Variants in KCNQ2 observed in about 807,000 individuals in gnomAD.
KCNQ2 encodes the protein potassium voltage-gated channel subfamily Q member 2.
In KCNQ2, 14 loss-of-function variants were observed where a neutral mutation model predicts 84.8. That is an observed-to-expected ratio of 0.17 (90% CI 0.11 to 0.26). KCNQ2 has a LOEUF of 0.26. Among genes scored for constraint, KCNQ2 ranks in the 10% least tolerant of loss-of-function variants. The probability of loss-of-function intolerance (pLI) is 1.00; values close to 1 mark genes in which losing one functional copy is unlikely to be tolerated. For synonymous variants in KCNQ2, 599 were observed against 554.1 expected (o/e 1.08, Z -1.14); for missense variants, 788 against 1,254.0 (o/e 0.63, Z 5.61).
Position 63,400,336 on chromosome 20 carries a change from C to A in KCNQ2, c.*6308G>T, listed in dbSNP as rs373401075. 294 of 322,708 alleles carry A rather than the reference C, an allele frequency of 9.1e-4. 1 individual carries two copies. The highest frequency in any genetic ancestry group is 5.9e-3 in the African/African-American group (275 of 46,962). The allele number at this position is 322,708 out of a possible 1,614,324, so 20.0% of individuals were successfully genotyped here. On this transcript the variant is annotated 3_prime_UTR_variant, in exon 17 of 17. Coordinates refer to ENST00000359125, the MANE Select transcript of KCNQ2 (RefSeq NM_172107.4). The surrounding 1 kb of genome is among the most constrained non-coding windows in gnomAD (Gnocchi z 8.7). ...GCCGCAGGACCCCACACCCGAAGTCCCCCGCAAACCCGCACTGGCGCATTC... is the reference window on the plus strand; with the variant it reads ...GCCGCAGGACCCCACACCCGAAGTCACCCGCAAACCCGCACTGGCGCATTC...
At chr20:63,437,752 G>T (rs2081047396) in intron 7 of KCNQ2, among the ~76,000 whole-genome samples, 1 of 152,260 alleles carries the variant, frequency 6.6e-6, no homozygotes, top group Non-Finnish European at 1.5e-5. Flanking sequence ...GTGGATGGAA[G>T]ACTTTGGGGA....
At chr20:63,412,024 C>G in intron 15 of KCNQ2, 1 of 597,916 alleles carries the variant, frequency 1.7e-6, no homozygotes, top group South Asian at 2.0e-5. Context: ...AGGGTGTGGA[C>G]GCCGCCTCGC....
rs1276959353 is a variant in KCNQ2, at chr20:63,472,422, C to T, written c.42G>A (p.Pro14=). The T allele has an allele frequency of 3.3e-6, 5 of 1,538,186 alleles. No individual in the cohort carries two copies. Among genetic ancestry groups the T allele is most frequent in the African/African-American group, 1.4e-5 (1 of 70,890 alleles). Residue 14 remains proline (P), a synonymous_variant, in exon 1 of 17, where the codon CCG becomes CCA. Transcript: ENST00000359125. The part of the protein sequence containing the change: ...KSRNGGVYPG[P]SGEKKLKVGF... ...CCACCTTCAGCTTCTTCTCCCCGCT[C>T]GGGCCGGGGTATACGCCGCCGTTGC...
intron 12 of KCNQ2, among the ~76,000 whole-genome samples, chr20:63,417,815 C>T (rs1402580303): frequency 6.6e-6 from 1 of 152,230 alleles, no homozygotes; most frequent in Non-Finnish European, 1.5e-5. Context: ...GGAGCCACAG[C>T]CCCGCCAGCG....
At chr20:63,423,909 GAT>G in intron 11 of KCNQ2, 2 of 521,532 alleles carry the variant, frequency 3.8e-6, no homozygotes, top group Admixed American at 3.5e-5. Flanking sequence ...CGGGGTGGGG[GAT>G]CCCCCACCCC....
Position 63,446,625 on chromosome 20 carries a change from A to G in KCNQ2, c.387+122T>C. 1.2e-6 allele frequency: 1 copy of G among 818,204 alleles called. No individual in the cohort carries two copies. The highest frequency in any genetic ancestry group is 2.1e-6 in the Non-Finnish European group (1 of 481,690). The allele number at this position is 818,204 out of a possible 1,614,324, so 50.7% of individuals were successfully genotyped here. Reference sequence around the variant, plus strand: ...ATGGGAACTGACAGGGCACAAAGACATGGCCAGAGCTGGGGCTGGGGGCGT... The same window carrying G: ...ATGGGAACTGACAGGGCACAAAGACGTGGCCAGAGCTGGGGCTGGGGGCGT... On this transcript the variant is annotated intron_variant, in intron 2 of 16. Coordinates refer to ENST00000359125, the MANE Select transcript of KCNQ2 (RefSeq NM_172107.4). The surrounding 1 kb of genome is among the most constrained non-coding windows in gnomAD (Gnocchi z 5.5).
intron 1 of KCNQ2, chr20:63,459,780 G>A (rs974013146): frequency 1.3e-5 from 2 of 152,236 alleles, no homozygotes; most frequent in African/African-American, 4.8e-5. Flanking sequence ...GTGTTGTCAA[G>A]GTCTGGGACA....
intron 1 of KCNQ2, among the ~76,000 whole-genome samples, chr20:63,464,885 C>A (rs1239494072): frequency 1.3e-5 from 2 of 152,258 alleles, no homozygotes; most frequent in African/African-American, 4.8e-5. Flanking sequence ...CCACGCACCC[C>A]CAGTCCCGTC....
At chr20:63,412,644 G>A (rs959273397) in intron 15 of KCNQ2, among the ~76,000 whole-genome samples, 4 of 152,244 alleles carry the variant, frequency 2.6e-5, no homozygotes, top group Admixed American at 2.6e-4. Flanking sequence ...AGGGCCCGGA[G>A]TTGGGCTGTG....
intron 1 of KCNQ2, among the ~76,000 whole-genome samples, chr20:63,470,314 C>T (rs2082185068): frequency 6.6e-6 from 1 of 151,872 alleles, no homozygotes; most frequent in Non-Finnish European, 1.5e-5. Context: ...GAAGGCGGGG[C>T]TGTTCAGACG....
intron 5 of KCNQ2, among the ~76,000 whole-genome samples, chr20:63,441,824 C>T (rs910936914): frequency 2.6e-5 from 4 of 152,248 alleles, no homozygotes; most frequent in Admixed American, 2.6e-4. Context: ...GGTGGAGCTG[C>T]CCATGCCTTC....
intron 1 of KCNQ2, among the ~76,000 whole-genome samples, chr20:63,469,793 G>C (rs564300899): frequency 2.4e-4 from 37 of 152,378 alleles, no homozygotes; most frequent in Admixed American, 2.4e-3. Context: ...ACGCCACACG[G>C]GCCAGTCCAT....
chr20:63,429,546 G>A (rs963055174), intron 9 of KCNQ2, among the ~76,000 whole-genome samples: 2 of 152,092 alleles, frequency 1.3e-5, no homozygotes, highest in Admixed American at 6.5e-5. Flanking sequence ...AGGCTGGGCC[G>A]TGGCCCACAT....
chr20:63,449,699 A>T (rs1274677664), intron 1 of KCNQ2, among the ~76,000 whole-genome samples: 4 of 152,170 alleles, frequency 2.6e-5, no homozygotes, highest in African/African-American at 7.2e-5. Flanking sequence ...GAGAAGAGGG[A>T]AAAGCCCCAG....
chr20:63,428,256 C>T, intron 10 of KCNQ2, 111 bp downstream of exon 10: 1 of 820,602 alleles, frequency 1.2e-6, no homozygotes, highest in South Asian at 1.5e-5. Flanking sequence ...CCCGCGCGTC[C>T]CAGCTCCCTG....
chr20:63,442,831 C>A (rs111220244), intron 4 of KCNQ2, among the ~76,000 whole-genome samples: 1 of 39,828 alleles, frequency 2.5e-5, no homozygotes, highest in Non-Finnish European at 5.9e-5. Flanking sequence ...CCATCACCAT[C>A]ACCACCACCA....
Position 63,454,274 on chromosome 20 carries a change from G to A in KCNQ2, c.297-7437C>T, listed in dbSNP as rs550963954. Among the ~76,000 whole-genome samples, 103 of 152,256 alleles carry A rather than the reference G, an allele frequency of 6.8e-4. No homozygotes were observed. In the South Asian group the frequency reaches 0.014, roughly 21 times the overall value. Reference sequence around the variant, plus strand: ...CATGAAGGAAGCAGCTGCCCCTCCCGCCGCTGCCCCTCCTGCCACAGCCCC... The same window carrying A: ...CATGAAGGAAGCAGCTGCCCCTCCCACCGCTGCCCCTCCTGCCACAGCCCC... On this transcript the variant is annotated intron_variant, in intron 1 of 16. Coordinates refer to ENST00000359125, the MANE Select transcript of KCNQ2 (RefSeq NM_172107.4).
In KCNQ2 at chr20:63,443,079, CACCACCATT is replaced by C. The variant is rs1323676622; in HGVS notation, c.691-557_691-549del. 5.4e-3 allele frequency among the ~76,000 whole-genome samples: 416 copies of C among 76,850 alleles called. 7 individuals carry two copies. Among genetic ancestry groups the C allele is most frequent in the African/African-American group, 0.014 (263 of 18,644 alleles). 50.4% of individuals were successfully genotyped at this position (76,850 alleles called of 152,430 possible). The stretch of plus-strand genomic sequence containing the variant: ...GCATCACCATCACCATTATCACCAC[CACCACCATT>C]ATCACCACCATCACCATCACCACCA... On this transcript the variant is annotated intron_variant, in intron 4 of 16. Transcript: ENST00000359125.
chr20:63,407,266 G>T lies in KCNQ2; in HGVS notation c.1997C>A (p.Pro666Gln), dbSNP rs762130930. 3 of 1,596,826 alleles carry T rather than the reference G, an allele frequency of 1.9e-6. No individual in the cohort carries two copies. The highest frequency in any genetic ancestry group is 1.6e-4 in the Middle Eastern group (1 of 6,070). ...TTCCGGGCTGTGGTACGGCGGCGCC[G>T]GCTCCGGCTCTTTGGCCCCAAAGTA... ...EAYFGAKEPE[P>Q]APPYHSPEDS... Residue 666 changes from proline (P) to glutamine (Q), a missense_variant, in exon 17 of 17, where the codon CCG (proline) becomes CAG (glutamine). Physicochemically the swap from Pro to Gln is moderately conservative, Grantham distance 76. Transcript: ENST00000359125. The surrounding 1 kb of genome is among the most constrained non-coding windows in gnomAD (Gnocchi z 7.2).
Sources: gnomAD v4.1 joint callset for allele counts (sites outside exome capture counted in the v4.1 genomes callset) on GRCh38, gnomAD v4.1.1 for gene constraint, Gnocchi (gnomAD v3.1) non-coding constraint, MANE v1.5 for transcripts, NCBI Gene and HGNC (gene_info 2026-07-23, HGNC 2026-07-21) for gene names.